ENTREP2: variants seen among roughly 807,000 people sequenced by gnomAD.
ENTREP2 encodes protein ENTREP2.
At chr15:29,139,994 C>T in the ENTREP2 span, among the ~76,000 whole-genome samples, 1 of 152,194 alleles carries the variant, frequency 6.6e-6, no homozygotes, top group Non-Finnish European at 1.5e-5. Flanking sequence ...GTAGGGGGTG[C>T]CAGAGGGCAC....
At chr15:29,136,637 T>C in the ENTREP2 span, 2 of 972,278 alleles carry the variant, frequency 2.1e-6, no homozygotes, top group African/African-American at 1.7e-5. Context: ...AAATCAAAGC[T>C]TCAGTCACTG....
At chr15:29,378,212 T>TAAAA in the ENTREP2 span, among the ~76,000 whole-genome samples, 61 of 145,582 alleles carry the variant, frequency 4.2e-4, no homozygotes, top group African/African-American at 1.5e-3. Context: ...TAAAAACTCT[T>TAAAA]AAAAAAAAAA....
chr15:29,413,299 ATT>A, the ENTREP2 span, among the ~76,000 whole-genome samples: 2 of 152,162 alleles, frequency 1.3e-5, no homozygotes, highest in Non-Finnish European at 2.9e-5. Context: ...TTATTACATA[ATT>A]TTTAATTTTC....
the ENTREP2 span, among the ~76,000 whole-genome samples, chr15:29,325,317 G>A: frequency 6.6e-6 from 1 of 151,526 alleles, no homozygotes; most frequent in South Asian, 2.1e-4. Flanking sequence ...ACAGAAGAAA[G>A]AAAATACTAA....
the ENTREP2 span, among the ~76,000 whole-genome samples, chr15:29,580,547 G>T: frequency 6.6e-6 from 1 of 152,112 alleles, no homozygotes; most frequent in Non-Finnish European, 1.5e-5. Flanking sequence ...TGCTGGAAAA[G>T]ACCAAAGGGA....
chr15:29,179,870 C>T, the ENTREP2 span, among the ~76,000 whole-genome samples: 11 of 152,100 alleles, frequency 7.2e-5, no homozygotes, highest in Non-Finnish European at 1.5e-4. Flanking sequence ...CAGGCGTGAG[C>T]CACCGCGCCC....
At chr15:29,526,790 C>A in the ENTREP2 span, among the ~76,000 whole-genome samples, 3 of 151,962 alleles carry the variant, frequency 2.0e-5, no homozygotes, top group African/African-American at 7.3e-5. Flanking sequence ...CATGTTTGCC[C>A]CATACCTTCC....
At chr15:29,419,389 A>G in the ENTREP2 span, among the ~76,000 whole-genome samples, 1 of 152,214 alleles carries the variant, frequency 6.6e-6, no homozygotes, top group Non-Finnish European at 1.5e-5. Context: ...GATACAGAAG[A>G]TAAGACTAGT....
the ENTREP2 span, among the ~76,000 whole-genome samples, chr15:29,148,457 T>C: frequency 1.3e-5 from 2 of 152,204 alleles, no homozygotes; most frequent in Non-Finnish European, 2.9e-5. Context: ...TTACATAAAA[T>C]AATGTTGTAT....
the ENTREP2 span, among the ~76,000 whole-genome samples, chr15:29,279,628 G>T: frequency 6.6e-6 from 1 of 152,148 alleles, no homozygotes; most frequent in African/African-American, 2.4e-5. Context: ...CTCCCAAAGT[G>T]CTGGGATTAC....
At chr15:29,610,237 A>G in the ENTREP2 span, 2 of 150,768 alleles carry the variant, frequency 1.3e-5, 1 homozygote, top group African/African-American at 4.9e-5. Flanking sequence ...CTACACCTAG[A>G]AAAACTTCAG....
chr15:29,660,576 C>G, the ENTREP2 span, among the ~76,000 whole-genome samples: 2 of 152,132 alleles, frequency 1.3e-5, no homozygotes, highest in African/African-American at 4.8e-5. Context: ...GGTTTCGAAC[C>G]ATGTGACTAT....
chr15:29,281,498 C>A, the ENTREP2 span, among the ~76,000 whole-genome samples: 3 of 152,272 alleles, frequency 2.0e-5, no homozygotes, highest in African/African-American at 4.8e-5. Context: ...ACTGGACCCC[C>A]ATACCAGACA....
the ENTREP2 span, among the ~76,000 whole-genome samples, chr15:29,380,818 T>C: frequency 6.6e-6 from 1 of 152,004 alleles, no homozygotes; most frequent in Non-Finnish European, 1.5e-5. Context: ...AAACAGGCTT[T>C]AATGTCTAGA....
chr15:29,569,308 G>A, the ENTREP2 span, among the ~76,000 whole-genome samples: 3 of 151,994 alleles, frequency 2.0e-5, no homozygotes, highest in Non-Finnish European at 4.4e-5. Context: ...TGTATCGATC[G>A]AGGTGTTCCA....
chr15:29,435,504 T>C, the ENTREP2 span, among the ~76,000 whole-genome samples: 1 of 152,082 alleles, frequency 6.6e-6, no homozygotes, highest in African/African-American at 2.4e-5. Flanking sequence ...TTTGTTAATA[T>C]CCTTTTTAGG....
At chr15:29,591,898 A>AAGAAGAAGAAGAAGAAGAAGAAGG in the ENTREP2 span, among the ~76,000 whole-genome samples, 1 of 145,908 alleles carries the variant, frequency 6.9e-6, no homozygotes, top group Non-Finnish European at 1.5e-5. Context: ...GAAGAAGAAG[A>AAGAAGAAGAAGAAGAAGAAGAAGG]GAGAAAACAC....
At chr15:29,670,926 G>A in the ENTREP2 span, among the ~76,000 whole-genome samples, 2 of 152,198 alleles carry the variant, frequency 1.3e-5, no homozygotes, top group African/African-American at 4.8e-5. Context: ...GAGATGACTG[G>A]TGGCTGGGAG....
At chr15:29,642,569 T>C in the ENTREP2 span, among the ~76,000 whole-genome samples, 9 of 145,278 alleles carry the variant, frequency 6.2e-5, no homozygotes, top group South Asian at 1.1e-3. Flanking sequence ...ATATACTATA[T>C]ACTATATATA....
Sources: gnomAD v4.1 joint callset for allele counts (sites outside exome capture counted in the v4.1 genomes callset) on GRCh38, gnomAD v4.1.1 for gene constraint, MANE v1.5 for transcripts, NCBI Gene and HGNC (gene_info 2026-07-23, HGNC 2026-07-21) for gene names.